LRRTM4: variants seen among roughly 807,000 people sequenced by gnomAD.
LRRTM4 encodes the protein leucine rich repeat transmembrane neuronal 4, also known as leucine-rich repeat transmembrane neuronal protein 4.
In LRRTM4, 25 loss-of-function variants were observed where a neutral mutation model predicts 47.6. That is an observed-to-expected ratio of 0.53 (90% CI 0.38 to 0.73). LRRTM4 has a LOEUF of 0.73. Among genes scored for constraint, LRRTM4 ranks in the 30% least tolerant of loss-of-function variants. The pLI is 0.00. For missense variants in LRRTM4, 638 were observed against 713.4 expected, an observed-to-expected ratio of 0.89 and a Z score of 1.20; for synonymous variants, 311 against 269.5, an observed-to-expected ratio of 1.15 and a Z score of -1.51.
chr2:77,273,283 T>A (rs183228437), intron 3 of LRRTM4, among the ~76,000 whole-genome samples: 159 of 152,266 alleles, frequency 1.0e-3, no homozygotes, highest in African/African-American at 3.7e-3. Flanking sequence ...AGAAGACCAA[T>A]AATTTTCAGA....
rs192069246 is a variant in LRRTM4 at position 76,769,562 on chromosome 2, G to A, written c.1552-20646C>T. 2.6e-5 allele frequency among the ~76,000 whole-genome samples: 4 copies of A among 152,078 alleles called. No individual in the cohort carries two copies. The East Asian group carries it at 7.7e-4, about 29-fold the overall frequency. On this transcript the variant is annotated intron_variant, in intron 3 of 3. Transcript: ENST00000409884. ...AAAATAATAACGAAAACAATAATATGGTTGTTAAAATCCTATGCTAAGTGT... is the reference window on the plus strand; with the variant it reads ...AAAATAATAACGAAAACAATAATATAGTTGTTAAAATCCTATGCTAAGTGT...
intron 3 of LRRTM4, among the ~76,000 whole-genome samples, chr2:77,059,663 A>C (rs866823396): frequency 1.1e-4 from 16 of 152,314 alleles, no homozygotes; most frequent in Admixed American, 3.3e-4. Flanking sequence ...TTCTGTACCA[A>C]GTAATTAACT....
intron 3 of LRRTM4, among the ~76,000 whole-genome samples, chr2:77,188,191 A>G (rs1465557771): frequency 1.3e-5 from 2 of 152,166 alleles, no homozygotes; most frequent in Non-Finnish European, 2.9e-5. Context: ...ATATTTCTAC[A>G]TGTGGTCTAA....
intron 3 of LRRTM4, among the ~76,000 whole-genome samples, chr2:76,958,976 G>A (rs1041445789): frequency 9.2e-5 from 14 of 151,662 alleles, no homozygotes; most frequent in Non-Finnish European, 2.1e-4. Context: ...TGTCCTTGGT[G>A]CTGAAAAGGG....
At chr2:76,801,487 G>GA (rs1396503024) in intron 3 of LRRTM4, among the ~76,000 whole-genome samples, 1 of 152,174 alleles carries the variant, frequency 6.6e-6, no homozygotes, top group East Asian at 1.9e-4. Context: ...ACACAGGAAG[G>GA]AGAATATCAC....
At chr2:77,386,539 C>G (rs1673282356) in intron 3 of LRRTM4, among the ~76,000 whole-genome samples, 1 of 152,102 alleles carries the variant, frequency 6.6e-6, no homozygotes. Context: ...GGCTTTAAGT[C>G]TTTGCTATTG....
At chr2:76,802,674 A>T (rs1406924043) in intron 3 of LRRTM4, among the ~76,000 whole-genome samples, 1 of 152,126 alleles carries the variant, frequency 6.6e-6, no homozygotes, top group Non-Finnish European at 1.5e-5. Context: ...CAAAAGAACA[A>T]AGCTGGAGGT....
At chr2:76,999,888 T>G (rs751879660) in intron 3 of LRRTM4, among the ~76,000 whole-genome samples, 1 of 152,182 alleles carries the variant, frequency 6.6e-6, no homozygotes, top group Admixed American at 6.6e-5. Context: ...GTGGTTTTCA[T>G]TCTACCTTAA....
chr2:77,026,307 C>T (rs968956437), intron 3 of LRRTM4, among the ~76,000 whole-genome samples: 2 of 152,114 alleles, frequency 1.3e-5, no homozygotes, highest in Middle Eastern at 3.4e-3. Context: ...ATTATATTTC[C>T]TAACTCAACA....
intron 3 of LRRTM4, among the ~76,000 whole-genome samples, chr2:77,401,200 C>T (rs1211492934): frequency 1.3e-5 from 2 of 151,896 alleles, no homozygotes; most frequent in Non-Finnish European, 2.9e-5. Context: ...TCTTGGGTCC[C>T]TCTGAATACC....
chr2:77,283,189 A>G (rs1307240933), intron 3 of LRRTM4, among the ~76,000 whole-genome samples: 2 of 152,088 alleles, frequency 1.3e-5, no homozygotes, highest in African/African-American at 4.8e-5. Context: ...ACACTTCTCA[A>G]AAGAAGACAT....
intron 3 of LRRTM4, among the ~76,000 whole-genome samples, chr2:77,269,761 CAT>C (rs1436833022): frequency 2.0e-5 from 3 of 152,102 alleles, no homozygotes; most frequent in African/African-American, 7.2e-5. Context: ...GCTTGTTTTG[CAT>C]ATGTTTTATA....
Position 77,289,323 on chromosome 2 carries a change from T to C in LRRTM4, c.1551+228995A>G, listed in dbSNP as rs1168938547. 2.0e-5 allele frequency among the ~76,000 whole-genome samples: 3 copies of C among 152,068 alleles called. No individual in the cohort carries two copies. In the East Asian group the frequency reaches 5.8e-4, roughly 29 times the overall value. On this transcript the variant is annotated intron_variant, in intron 3 of 3. Transcript: ENST00000409884. ...AAATTTGAAAGGTAATGGATTTATC[T>C]ATCCCTAACATTTCTAAATCTGAGA...
chr2:77,483,759 G>T (rs1198324455), intron 3 of LRRTM4, among the ~76,000 whole-genome samples: 1 of 152,002 alleles, frequency 6.6e-6, no homozygotes. Flanking sequence ...AAAATGTTGG[G>T]GGATTGGTAT....
intron 3 of LRRTM4, among the ~76,000 whole-genome samples, chr2:76,906,542 A>G (rs1241548601): frequency 6.6e-6 from 1 of 152,202 alleles, no homozygotes; most frequent in Non-Finnish European, 1.5e-5. Flanking sequence ...ATCAAAAGAC[A>G]CAGACTGGCA....
At chr2:77,153,304 C>T (rs181005509) in intron 3 of LRRTM4, among the ~76,000 whole-genome samples, 13 of 152,258 alleles carry the variant, frequency 8.5e-5, no homozygotes, top group Non-Finnish European at 1.3e-4. Flanking sequence ...TTCCTGCCCA[C>T]GTTTTCTGTA....
intron 3 of LRRTM4, among the ~76,000 whole-genome samples, chr2:76,807,307 C>T (rs1676017293): frequency 6.7e-6 from 1 of 150,136 alleles, no homozygotes; most frequent in African/African-American, 2.5e-5. Flanking sequence ...GGCACAAATA[C>T]TGAATATTTT....
chr2:77,466,017 C>A (rs1298394661), intron 3 of LRRTM4, among the ~76,000 whole-genome samples: 1 of 152,136 alleles, frequency 6.6e-6, no homozygotes, highest in African/African-American at 2.4e-5. Context: ...GAGCATAATG[C>A]TTGTCTAACT....
intron 3 of LRRTM4, among the ~76,000 whole-genome samples, chr2:76,784,032 A>G (rs1674537911): frequency 6.6e-6 from 1 of 152,160 alleles, no homozygotes; most frequent in Non-Finnish European, 1.5e-5. Context: ...TGTGAAAGTG[A>G]GAAAACATAA....
Sources: allele counts gnomAD v4.1 joint callset (sites outside exome capture counted in the v4.1 genomes callset), GRCh38; gene constraint gnomAD v4.1.1; transcripts MANE v1.5; gene names NCBI Gene and HGNC (gene_info 2026-07-23, HGNC 2026-07-21).